The following FAM168A variants were observed in gnomAD, a reference collection of about 807,000 sequenced individuals.
The protein encoded by FAM168A is family with sequence similarity 168 member A, also known as protein FAM168A.
Under a neutral mutation model 28.5 loss-of-function variants are expected in FAM168A, and 3 were observed. That is an observed-to-expected ratio of 0.11 (90% confidence interval 0.05 to 0.27). FAM168A has a LOEUF of 0.27. FAM168A is among the 10% of genes least tolerant of loss of function. The pLI is 1.00. For missense variants in FAM168A, 222 were observed against 311.5 expected, an observed-to-expected ratio of 0.71 and a Z score of 2.16; for synonymous variants, 122 against 124.2, an observed-to-expected ratio of 0.98 and a Z score of 0.12.
At chr11:73,582,788 A>G (rs149236165) in intron 1 of FAM168A, among the ~76,000 whole-genome samples, 244 of 152,338 alleles carry the variant, frequency 1.6e-3, no homozygotes, top group African/African-American at 5.7e-3. Context: ...CGTCTTCTCC[A>G]TTTACCAATG....
At chr11:73,449,971 T>A (rs1350035925) in intron 2 of FAM168A, among the ~76,000 whole-genome samples, 1 of 152,236 alleles carries the variant, frequency 6.6e-6, no homozygotes, top group African/African-American at 2.4e-5. Context: ...ACCTTCCCCA[T>A]CAGCTGAGCA....
intron 1 of FAM168A, among the ~76,000 whole-genome samples, chr11:73,507,539 C>T (rs952774385): frequency 3.3e-5 from 5 of 151,874 alleles, no homozygotes; most frequent in Admixed American, 1.3e-4. Context: ...GGGCTTAATA[C>T]CTGGATGATG....
chr11:73,472,406 AGT>A (rs1189800363), intron 1 of FAM168A, among the ~76,000 whole-genome samples: 1 of 152,228 alleles, frequency 6.6e-6, no homozygotes, highest in Non-Finnish European at 1.5e-5. Context: ...GCTGAAGTGG[AGT>A]AAATGAAGGG....
chr11:73,440,137 C>T (rs1279613809), intron 2 of FAM168A, among the ~76,000 whole-genome samples: 4 of 152,082 alleles, frequency 2.6e-5, no homozygotes, highest in Non-Finnish European at 5.9e-5. Context: ...CTGCCTGCCT[C>T]GACCTCCCAA....
chr11:73,525,503 C>T (rs1230965952), intron 1 of FAM168A, among the ~76,000 whole-genome samples: 1 of 152,138 alleles, frequency 6.6e-6, no homozygotes, highest in Admixed American at 6.5e-5. Context: ...ACAGGTCCTG[C>T]CTGATTTTAT....
intron 1 of FAM168A, among the ~76,000 whole-genome samples, chr11:73,525,592 T>C (rs1943437719): frequency 6.6e-6 from 1 of 152,202 alleles, no homozygotes; most frequent in South Asian, 2.1e-4. Context: ...ACCTTTGAAC[T>C]AATCCTCCTC....
chr11:73,488,785 G>T (rs1868089140), intron 1 of FAM168A, among the ~76,000 whole-genome samples: 1 of 152,066 alleles, frequency 6.6e-6, no homozygotes, highest in Non-Finnish European at 1.5e-5. Flanking sequence ...TTCTCTGCAG[G>T]ATTATTCATA....
At chr11:73,587,167 A>AAAC (rs1555040926) in intron 1 of FAM168A, among the ~76,000 whole-genome samples, 1 of 149,204 alleles carries the variant, frequency 6.7e-6, no homozygotes, top group African/African-American at 2.5e-5. Flanking sequence ...AAAAAAAAAA[A>AAAC]AAAAAAAAAA....
At chr11:73,556,263 GGCTTGT>G (rs1943888208) in intron 1 of FAM168A, among the ~76,000 whole-genome samples, 1 of 151,786 alleles carries the variant, frequency 6.6e-6, no homozygotes, top group African/African-American at 2.4e-5. Context: ...GCAAGAGGAT[GGCTTGT>G]GCCTAAGAAT....
rs1336781955 is a variant in FAM168A at position 73,405,197 on chromosome 11, G to A, written c.*1566C>T. 1.3e-5 allele frequency: 2 copies of A among 152,234 alleles called. No homozygotes were observed. The highest frequency in any genetic ancestry group is 6.5e-5 in the Admixed American group (1 of 15,286). 9.4% of individuals were successfully genotyped at this position (152,234 alleles called of 1,614,324 possible). A position where few individuals can be genotyped will look rare whatever the true frequency, so the allele number is the denominator to read the frequency against. ...TCCACCTGCTCCTTCTCCTGGAGGTGGAGTCAGGTACAGGACGGAAGTTCC... is the reference window on the plus strand; with the variant it reads ...TCCACCTGCTCCTTCTCCTGGAGGTAGAGTCAGGTACAGGACGGAAGTTCC... On this transcript the variant is annotated 3_prime_UTR_variant, in exon 8 of 8. Coordinates refer to ENST00000356467, the MANE Select transcript of FAM168A (RefSeq NM_015159.3).
At chr11:73,426,440 A>G (rs1486358525) in intron 3 of FAM168A, among the ~76,000 whole-genome samples, 1 of 152,228 alleles carries the variant, frequency 6.6e-6, no homozygotes, top group Non-Finnish European at 1.5e-5. Flanking sequence ...CTCTCAAGCA[A>G]CTTCTGGGTC....
At chr11:73,503,495 TA>T (rs973329260) in intron 1 of FAM168A, among the ~76,000 whole-genome samples, 4 of 151,988 alleles carry the variant, frequency 2.6e-5, no homozygotes, top group African/African-American at 9.7e-5. Context: ...CTCAAGGAAA[TA>T]AGAGAGGACA....
At chr11:73,588,029 C>T (rs150294267) in intron 1 of FAM168A, among the ~76,000 whole-genome samples, 4,175 of 152,082 alleles carry the variant, frequency 0.027, 194 homozygotes, top group African/African-American at 0.094. Context: ...GGATTACAGA[C>T]GTGAGCCACC....
At chr11:73,567,651 A>AT (rs1367186815) in intron 1 of FAM168A, among the ~76,000 whole-genome samples, 1 of 152,178 alleles carries the variant, frequency 6.6e-6, no homozygotes, top group Non-Finnish European at 1.5e-5. Flanking sequence ...TCCAAATGTT[A>AT]TTTATAACTT....
At chr11:73,576,989 A>G (rs1221316385) in intron 1 of FAM168A, among the ~76,000 whole-genome samples, 1 of 152,212 alleles carries the variant, frequency 6.6e-6, no homozygotes, top group Non-Finnish European at 1.5e-5. Context: ...AATAACTGCT[A>G]GCACCATAAA....
intron 1 of FAM168A, among the ~76,000 whole-genome samples, chr11:73,484,257 C>T (rs978179536): frequency 6.6e-6 from 1 of 152,114 alleles, no homozygotes; most frequent in East Asian, 1.9e-4. Flanking sequence ...TTATTATCCC[C>T]GTTTTAAGGA....
At chr11:73,463,751 T>C (rs1027507072) in intron 2 of FAM168A, among the ~76,000 whole-genome samples, 2 of 152,216 alleles carry the variant, frequency 1.3e-5, no homozygotes, top group Admixed American at 1.3e-4. Context: ...ATGAAAATTA[T>C]GGAGGCAATG....
At chr11:73,562,087 C>T (rs1238922168) in intron 1 of FAM168A, among the ~76,000 whole-genome samples, 4 of 152,138 alleles carry the variant, frequency 2.6e-5, no homozygotes, top group African/African-American at 9.7e-5. Context: ...GGATTACAGG[C>T]GCACGCCACC....
At position 73,468,497 on chromosome 11, in the gene FAM168A, AG is replaced by A. The variant is rs762744311; in HGVS notation, c.-18-6del. ...CATTGTGGAAGACTGAGGATCCTAC[AG>A]AGAAAACAAAGAAAACAGCACTGAT... On this transcript the variant is annotated splice_polypyrimidine_tract_variant and splice_region_variant and intron_variant, in intron 1 of 7. Transcript: ENST00000356467. 1.6e-5 allele frequency: 25 copies of A among 1,610,094 alleles called. No homozygotes were observed. The highest frequency in any genetic ancestry group is 1.6e-4 in the Middle Eastern group (1 of 6,074).
Sources: allele counts gnomAD v4.1 joint callset (sites outside exome capture counted in the v4.1 genomes callset), GRCh38; gene constraint gnomAD v4.1.1; transcripts MANE v1.5; gene names NCBI Gene and HGNC (gene_info 2026-07-23, HGNC 2026-07-21).